MEIS3: variants seen among roughly 807,000 people sequenced by gnomAD.
MEIS3 encodes Meis homeobox 3.
MEIS3 carries 38 observed loss-of-function variants against 51.4 expected under a neutral mutation model. The ratio of observed to expected loss-of-function variants is 0.74; its 90% CI spans 0.57 to 0.97. MEIS3 has a LOEUF of 0.97. Ranked by LOEUF, MEIS3 falls within the 50% of genes least tolerant of loss-of-function variation. The pLI, the probability that MEIS3 is intolerant of heterozygous loss-of-function variation, is 0.00. For missense variants in MEIS3, 456 were observed against 502.6 expected (o/e 0.91, Z 0.89); for synonymous variants, 198 against 201.8 (o/e 0.98, Z 0.16).
rs1241701310 is a variant in MEIS3, at chr19:47,407,121, TCCGGGCGTTAATGA to T, written c.938_951del (p.Phe313Ter). On this transcript the variant is annotated frameshift_variant and splice_region_variant, in exon 10 of 13. Coordinates refer to ENST00000558555, the MANE Select transcript of MEIS3 (RefSeq NM_001301059.2). LOFTEE classifies it high-confidence loss of function. ...TCGATCATAGGTTGCACGATGCGTC[TCCGGGCGTTAATGA>T]ACCTGGGAGGCGGTCATGGAAACGG... is the stretch of plus-strand genomic sequence containing the variant. 2.5e-6 allele frequency: 4 copies of T among 1,610,702 alleles called. No individual in the cohort carries two copies. Among genetic ancestry groups the T allele is most frequent in the Non-Finnish European group, 3.4e-6 (4 of 1,178,898 alleles).
rs1212996304 is a variant in MEIS3, at chr19:47,416,952, A to T, written c.197T>A (p.Phe66Tyr). 6.3e-7 allele frequency: 1 copy of T among 1,588,560 alleles called. No homozygotes were observed. Among genetic ancestry groups the T allele is most frequent in the Non-Finnish European group, 8.6e-7 (1 of 1,167,310 alleles). The part of the protein sequence containing the change: ...EKDEIYGHPL[F>Y]PLLALVFEKC... ...CTCAAAGACCAGGGCCAAGAGGGGG[A>T]AGAGCGGGTGTCTGGGGAGGCAGGA... The change falls in exon 3 of 13, where the codon TTC becomes TAC. Residue 66 changes from phenylalanine to tyrosine, a missense_variant. Transcript: ENST00000558555.
Position 47,419,144 on chromosome 19 carries a change from C to A in MEIS3, c.-63G>T. On this transcript the variant is annotated 5_prime_UTR_variant, in exon 1 of 13. Coordinates refer to ENST00000558555, the MANE Select transcript of MEIS3 (RefSeq NM_001301059.2). ...GCCTGGCCGCGGGGGAGGGCGCAGC[C>A]CGGGGCCGCAGCCCCTGACGGCCCG... is the stretch of plus-strand genomic sequence containing the variant. The A allele has an allele frequency of 8.3e-7, 1 of 1,208,528 alleles. No homozygotes were observed. The highest frequency in any genetic ancestry group is 1.0e-6 in the Non-Finnish European group (1 of 967,570). 74.9% of individuals were successfully genotyped at this position (1,208,528 alleles called of 1,614,324 possible).
chr19:47,420,940 A>ACACACACTCTCTCT (rs1187725467), upstream of MEIS3, among the ~76,000 whole-genome samples: 1,248 of 90,252 alleles, frequency 0.014, 20 homozygotes, highest in Middle Eastern at 0.029. Flanking sequence ...ACACACACAC[A>ACACACACTCTCTCT]CTCTCTCTCT....
intron 1 of MEIS3, 40 bp from the exon 2 acceptor site, chr19:47,417,390 G>T (rs1406743165): frequency 6.2e-7 from 1 of 1,611,460 alleles, no homozygotes; most frequent in Admixed American, 1.7e-5. Flanking sequence ...GCCCCAGGGA[G>T]GGGTCAGCAC....
In MEIS3 at chr19:47,403,468, C is replaced by A. The variant is rs1181182557; in HGVS notation, c.*103G>T. 2.2e-6 allele frequency: 1 copy of A among 455,782 alleles called. No homozygotes were observed. The highest frequency in any genetic ancestry group is 4.4e-6 in the Non-Finnish European group (1 of 226,856). 28.2% of individuals were successfully genotyped at this position (455,782 alleles called of 1,614,324 possible). ...GGGAGGTAGGCATTGAGCAGAGGGG[C>A]CTTTGGAGGTGGGGTCCTGAAGCTG... is the stretch of plus-strand genomic sequence containing the variant. On this transcript the variant is annotated 3_prime_UTR_variant, in exon 13 of 13. Coordinates refer to ENST00000558555, the MANE Select transcript of MEIS3 (RefSeq NM_001301059.2).
At position 47,415,117 on chromosome 19, in the gene MEIS3, G is replaced by A. The variant is rs1971345319; in HGVS notation, c.397-16C>T. On this transcript the variant is annotated splice_polypyrimidine_tract_variant and intron_variant, in intron 4 of 12. Transcript: ENST00000558555. ...CCTGGATCATCTGAAAACGTGGGCG[G>A]GAGGTGGGGGGAGACAGAGGGAATT... The A allele has an allele frequency of 6.6e-7, 1 of 1,519,602 alleles. No homozygotes were observed. Among genetic ancestry groups the A allele is most frequent in the Non-Finnish European group, 8.9e-7 (1 of 1,119,140 alleles). 94.1% of individuals were successfully genotyped at this position (1,519,602 alleles called of 1,614,324 possible). A position where few individuals can be genotyped will look rare whatever the true frequency, so the allele number is the denominator to read the frequency against.
At chr19:47,403,663 A>G in intron 12 of MEIS3, 110 bp from the exon 13 acceptor site, 1 of 335,002 alleles carries the variant, frequency 3.0e-6, no homozygotes, top group Non-Finnish European at 5.9e-6. Context: ...ACACAGAGAG[A>G]GTGGCTGGCG....
chr19:47,405,681 C>G (rs530921882), intron 12 of MEIS3, among the ~76,000 whole-genome samples: 101 of 151,728 alleles, frequency 6.7e-4, no homozygotes, highest in African/African-American at 2.4e-3. Flanking sequence ...TCCAGAGTAG[C>G]TGGGACTATG....
chr19:47,416,739 C>G (rs758606805), intron 3 of MEIS3, 37 bp from the exon 4 acceptor site: 4 of 1,610,394 alleles, frequency 2.5e-6, no homozygotes, highest in Non-Finnish European at 3.4e-6. Flanking sequence ...GGGGATGTCC[C>G]GCCTTCCACC....
chr19:47,418,656 C>A, intron 1 of MEIS3: 1 of 155,074 alleles, frequency 6.4e-6, no homozygotes. Context: ...GAGGTGCGGG[C>A]GGCTGAGATG....
chr19:47,417,326 C>G lies in MEIS3; in HGVS notation c.37G>C (p.Gly13Arg), dbSNP rs1971489367. 5 of 1,613,544 alleles carry G rather than the reference C, an allele frequency of 3.1e-6. No individual in the cohort carries two copies. Among genetic ancestry groups the G allele is most frequent in the Non-Finnish European group, 4.2e-6 (5 of 1,179,872 alleles). The stretch of plus-strand genomic sequence containing the variant: ...AGGGCTGCGGGGCCATCCACGATGC[C>G]TGGGTAGTGCGGCAGCTCATCATAC... ...RRYDELPHYP[G>R]IVDGPAALAS... Residue 13 changes from glycine to arginine, a missense_variant, in exon 2 of 13, where the codon GGC becomes CGC. Gly to Arg is a moderately radical substitution (Grantham distance 125). Transcript: ENST00000558555.
At chr19:47,407,327 C>T in intron 9 of MEIS3, 25 bp downstream of exon 9, 1 of 1,605,530 alleles carries the variant, frequency 6.2e-7, no homozygotes. Flanking sequence ...CCGGGCCGGC[C>T]CGCGGGCCCT....
chr19:47,417,203 TCAGGCCGTCGCTGTC>T lies in MEIS3; in HGVS notation c.145_159del (p.Asp49_Leu53del). 1 of 1,564,368 alleles carries T rather than the reference TCAGGCCGTCGCTGTC, an allele frequency of 6.4e-7. No individual in the cohort carries two copies. The highest frequency in any genetic ancestry group is 8.6e-7 in the Non-Finnish European group (1 of 1,158,472). ...CCATAGATCTCATCCTTCTCCCTCTTCAGGCCGTCGCTGTCCAAGCCTGGGGGCAGGGGCTGGGGA... is the reference window on the plus strand; with the variant it reads ...CCATAGATCTCATCCTTCTCCCTCTTCAAGCCTGGGGGCAGGGGCTGGGGA... On this transcript the variant is annotated inframe_deletion, in exon 2 of 13. Coordinates refer to ENST00000558555, the MANE Select transcript of MEIS3 (RefSeq NM_001301059.2).
At chr19:47,410,206 G>C (rs550102548) in intron 6 of MEIS3, among the ~76,000 whole-genome samples, 4 of 151,774 alleles carry the variant, frequency 2.6e-5, no homozygotes, top group African/African-American at 9.7e-5. Context: ...CCAGCACTTT[G>C]GGAGGCCGAG....
In MEIS3 at chr19:47,416,688, C is replaced by A; in HGVS notation, c.360G>T (p.Arg120Ser). Reference protein sequence around the residue: ...AAFAKQVRSERPLFSSNPELD... With the variant: ...AAFAKQVRSESPLFSSNPELD... ...GTTCTGGGTTGGAGGAGAAGAGGGG[C>A]CTCTCAGAGCGAACCTGGGAGGGAA... The change falls in exon 4 of 13, where the codon AGG (arginine) becomes AGT (serine). Residue 120 changes from arginine (R) to serine (S), a missense_variant. Transcript: ENST00000558555. 6.4e-7 allele frequency: 1 copy of A among 1,565,980 alleles called. No homozygotes were observed. The highest frequency in any genetic ancestry group is 8.7e-7 in the Non-Finnish European group (1 of 1,155,428).
intron 12 of MEIS3, among the ~76,000 whole-genome samples, chr19:47,405,705 A>G (rs1970783065): frequency 6.6e-6 from 1 of 151,598 alleles, no homozygotes; most frequent in African/African-American, 2.4e-5. Flanking sequence ...ACATGCCACC[A>G]CACCTGGCTA....
intron 6 of MEIS3, among the ~76,000 whole-genome samples, chr19:47,410,185 C>T (rs1971060431): frequency 6.6e-6 from 1 of 152,086 alleles, no homozygotes; most frequent in Non-Finnish European, 1.5e-5. Context: ...CAGTGGCTCA[C>T]ACCTATAATC....
rs150969429 is a variant in MEIS3 at position 47,416,898 on chromosome 19, C to T, written c.251G>A (p.Arg84His). The T allele has an allele frequency of 1.0e-3, 1,639 of 1,613,408 alleles. 5 individuals carry two copies. Among genetic ancestry groups the T allele is most frequent in the Middle Eastern group, 7.4e-3 (45 of 6,054 alleles). Residue 84 changes from arginine to histidine, a missense_variant, in exon 3 of 13, where the codon CGT (arginine) becomes CAT (histidine). Coordinates refer to ENST00000558555, the MANE Select transcript of MEIS3 (RefSeq NM_001301059.2). Reference sequence around the variant, plus strand: ...CCCCAGCCCAGCTCCGGCCCCGTCACGGGGAGAGCATGTAGCCAGTTCACA... The same window carrying T: ...CCCCAGCCCAGCTCCGGCCCCGTCATGGGGAGAGCATGTAGCCAGTTCACA... ...EKCELATCSPRDGAGAGLGTP... is the reference protein window; with the variant it reads ...EKCELATCSPHDGAGAGLGTP...
intron 9 of MEIS3, 70 bp downstream of exon 9, chr19:47,407,282 C>A (rs1483470259): frequency 1.3e-6 from 2 of 1,557,786 alleles, no homozygotes; most frequent in South Asian, 2.3e-5. Flanking sequence ...CTCGGGGCCT[C>A]CGTCAGCACC....
Sources: gnomAD v4.1 joint callset for allele counts (sites outside exome capture counted in the v4.1 genomes callset) on GRCh38, gnomAD v4.1.1 for gene constraint, MANE v1.5 for transcripts, NCBI Gene and HGNC (gene_info 2026-07-23, HGNC 2026-07-21) for gene names.